The following TMEM132B variants were observed in gnomAD, a reference collection of about 807,000 sequenced individuals.
TMEM132B encodes transmembrane protein 132B.
A neutral mutation model predicts 90.8 loss-of-function variants in TMEM132B; 18 were observed. The ratio of observed to expected loss-of-function variants is 0.20; its 90% CI spans 0.14 to 0.29. TMEM132B has a LOEUF of 0.29. Ranked by LOEUF, TMEM132B falls within the 10% of genes least tolerant of loss-of-function variation. The pLI, the probability that TMEM132B is intolerant of heterozygous loss-of-function variation, is 1.00. For synonymous variants in TMEM132B, 504 were observed against 523.3 expected, an observed-to-expected ratio of 0.96 and a Z score of 0.50; for missense variants, 1,096 against 1,326.8, an observed-to-expected ratio of 0.83 and a Z score of 2.70.
chr12:125,229,183 G>A (rs1377842168), intron 1 of TMEM132B, among the ~76,000 whole-genome samples: 1 of 152,230 alleles, frequency 6.6e-6, no homozygotes, highest in Non-Finnish European at 1.5e-5. Context: ...TATGGCTTAA[G>A]CTGCTTTTAG....
chr12:125,532,083 G>A (rs1883660936), intron 4 of TMEM132B, among the ~76,000 whole-genome samples: 1 of 152,202 alleles, frequency 6.6e-6, no homozygotes, highest in Non-Finnish European at 1.5e-5. Flanking sequence ...CTTGGAGAGT[G>A]AACTGGAGTC....
intron 3 of TMEM132B, among the ~76,000 whole-genome samples, chr12:125,417,898 C>G (rs1880061434): frequency 6.6e-6 from 1 of 152,164 alleles, no homozygotes; most frequent in Non-Finnish European, 1.5e-5. Flanking sequence ...CTGTAGCCAG[C>G]CCTGAACCAG....
intron 6 of TMEM132B, 145 bp from the exon 7 acceptor site, chr12:125,650,538 G>A: frequency 1.1e-6 from 1 of 873,068 alleles, no homozygotes; most frequent in Non-Finnish European, 1.7e-6. Context: ...GAATGAACTG[G>A]GAGTGGATAG....
intron 5 of TMEM132B, among the ~76,000 whole-genome samples, chr12:125,609,297 T>C (rs1327449980): frequency 1.3e-5 from 2 of 152,222 alleles, no homozygotes; most frequent in Non-Finnish European, 2.9e-5. Flanking sequence ...GTCTATCTTA[T>C]GTCAACATCA....
intron 3 of TMEM132B, among the ~76,000 whole-genome samples, chr12:125,442,366 G>A (rs1359210396): frequency 3.3e-5 from 5 of 152,190 alleles, no homozygotes; most frequent in Non-Finnish European, 7.3e-5. Flanking sequence ...GTGATCTCCT[G>A]GAATTTGCTA....
intron 4 of TMEM132B, among the ~76,000 whole-genome samples, chr12:125,583,556 T>C (rs1467776636): frequency 6.6e-6 from 1 of 152,122 alleles, no homozygotes; most frequent in South Asian, 2.1e-4. Context: ...TCTGTGGGAC[T>C]GAGGGCGGCG....
chr12:125,208,765 C>T (rs1257820711), intron 1 of TMEM132B, among the ~76,000 whole-genome samples: 2 of 152,172 alleles, frequency 1.3e-5, no homozygotes, highest in East Asian at 1.9e-4. Context: ...GAAAGGAAGG[C>T]CCCTTCCACA....
At chr12:125,289,084 G>C (rs1875459475) in intron 1 of TMEM132B, among the ~76,000 whole-genome samples, 1 of 152,172 alleles carries the variant, frequency 6.6e-6, no homozygotes, top group African/African-American at 2.4e-5. Context: ...ATTTGTCCAA[G>C]CTTTGATGGG....
chr12:125,484,875 G>T (rs1290213213), intron 3 of TMEM132B, among the ~76,000 whole-genome samples: 1 of 152,112 alleles, frequency 6.6e-6, no homozygotes, highest in Non-Finnish European at 1.5e-5. Flanking sequence ...AAAGTGCTGG[G>T]ATTACAGGTG....
intron 3 of TMEM132B, among the ~76,000 whole-genome samples, chr12:125,436,014 A>G (rs916162324): frequency 6.6e-6 from 1 of 152,078 alleles, no homozygotes; most frequent in Non-Finnish European, 1.5e-5. Flanking sequence ...ACAGTCTCCT[A>G]TGAGCTTTGA....
intron 4 of TMEM132B, among the ~76,000 whole-genome samples, chr12:125,519,964 G>T (rs1883266756): frequency 3.3e-5 from 5 of 152,150 alleles, no homozygotes; most frequent in Admixed American, 3.3e-4. Context: ...GGGAACAGTG[G>T]CTCTATATGC....
chr12:125,257,399 C>T (rs559561367), intron 1 of TMEM132B, among the ~76,000 whole-genome samples: 4 of 152,322 alleles, frequency 2.6e-5, no homozygotes, highest in East Asian at 1.9e-4. Context: ...GGCTTTTCTG[C>T]GTGCTGTTGA....
At chr12:125,283,383 C>T (rs1295016666) in intron 1 of TMEM132B, among the ~76,000 whole-genome samples, 1 of 152,066 alleles carries the variant, frequency 6.6e-6, no homozygotes, top group Non-Finnish European at 1.5e-5. Flanking sequence ...CTATTTTCAA[C>T]TCATGAAAAT....
chr12:125,641,999 CT>C (rs1206771969), intron 5 of TMEM132B, among the ~76,000 whole-genome samples: 2 of 152,140 alleles, frequency 1.3e-5, no homozygotes, highest in Non-Finnish European at 2.9e-5. Context: ...GCCTCAATCT[CT>C]TTTTTTCTGA....
chr12:125,425,794 A>G (rs1037489372), intron 3 of TMEM132B, among the ~76,000 whole-genome samples: 2 of 152,160 alleles, frequency 1.3e-5, no homozygotes, highest in African/African-American at 2.4e-5. Context: ...ATTTCTGTCT[A>G]TCACTGAATG....
intron 2 of TMEM132B, among the ~76,000 whole-genome samples, chr12:125,368,295 A>G (rs183143972): frequency 3.2e-4 from 49 of 152,254 alleles, no homozygotes; most frequent in African/African-American, 1.1e-3. Flanking sequence ...CACAGAAATG[A>G]TACTGTGTTC....
At chr12:125,374,567 T>G (rs1287716828) in intron 2 of TMEM132B, among the ~76,000 whole-genome samples, 1 of 151,948 alleles carries the variant, frequency 6.6e-6, no homozygotes, top group Non-Finnish European at 1.5e-5. Context: ...TTCTTAAGGG[T>G]TTCTCTGGGG....
chr12:125,600,914 C>T (rs958145430), intron 5 of TMEM132B, among the ~76,000 whole-genome samples: 4 of 152,110 alleles, frequency 2.6e-5, no homozygotes, highest in Middle Eastern at 3.2e-3. Flanking sequence ...ACAAGAAGAG[C>T]TAACTATCCT....
At chr12:125,538,048 G>A (rs1424133641) in intron 4 of TMEM132B, among the ~76,000 whole-genome samples, 2 of 152,170 alleles carry the variant, frequency 1.3e-5, no homozygotes, top group Non-Finnish European at 2.9e-5. Flanking sequence ...CGTCAGCATT[G>A]CCATCCCCAT....
Sources: allele counts gnomAD v4.1 joint callset (sites outside exome capture counted in the v4.1 genomes callset), GRCh38; gene constraint gnomAD v4.1.1; transcripts MANE v1.5; gene names NCBI Gene and HGNC (gene_info 2026-07-23, HGNC 2026-07-21).